The following CYRIB variants were observed in gnomAD, a reference collection of about 807,000 sequenced individuals.
CYRIB encodes the protein CYFIP-related Rac1 interactor B.
In CYRIB, 8 loss-of-function variants were observed where a neutral mutation model predicts 44.2. The ratio of observed to expected loss-of-function variants is 0.18; its 90% CI spans 0.11 to 0.33. CYRIB has a LOEUF of 0.33. CYRIB is among the 10% of genes least tolerant of loss of function. The pLI is 1.00. For missense variants in CYRIB, 185 were observed against 382.8 expected, an observed-to-expected ratio of 0.48 and a Z score of 4.31; for synonymous variants, 131 against 127.2, an observed-to-expected ratio of 1.03 and a Z score of -0.20.
intron 1 of CYRIB, among the ~76,000 whole-genome samples, chr8:129,985,613 A>C (rs1346640347): frequency 6.6e-6 from 1 of 151,362 alleles, no homozygotes; most frequent in South Asian, 2.1e-4. Flanking sequence ...ATATTTGCAC[A>C]CTCTCCAAAG....
intron 1 of CYRIB, among the ~76,000 whole-genome samples, chr8:129,938,608 T>C (rs1033474874): frequency 4.6e-5 from 7 of 152,138 alleles, no homozygotes; most frequent in African/African-American, 1.2e-4. Flanking sequence ...ATTCCGCACA[T>C]AGGGGTACTC....
chr8:129,846,661 A>C (rs998395326), intron 11 of CYRIB, 143 bp downstream of exon 13: 2 of 605,278 alleles, frequency 3.3e-6, no homozygotes, highest in Non-Finnish European at 5.6e-6. Flanking sequence ...AAGATTATCA[A>C]TAAACAAAAT....
At chr8:129,917,157 CAA>C (rs1424083788) in intron 1 of CYRIB, among the ~76,000 whole-genome samples, 1 of 152,154 alleles carries the variant, frequency 6.6e-6, no homozygotes, top group Non-Finnish European at 1.5e-5. Flanking sequence ...CTAGAAACAC[CAA>C]ACTGTTTAAG....
At chr8:129,949,600 G>T (rs1033617664) in intron 2 of CYRIB, among the ~76,000 whole-genome samples, 2 of 152,140 alleles carry the variant, frequency 1.3e-5, no homozygotes, top group African/African-American at 4.8e-5. Context: ...GGGCATGGTG[G>T]CTCATGCCTG....
rs2045781537 is a variant in CYRIB, at chr8:129,855,519, T to C, written c.438+92A>G. ...TAAGGTCTAGCAGACATCATTTAAA[T>C]ACATTTTAACAATGTTTCCCGGCTC... is the stretch of plus-strand genomic sequence containing the variant. On this transcript the variant is annotated intron_variant, in intron 6 of 11. Coordinates refer to ENST00000519824, the Ensembl canonical transcript of CYRIB. 4 of 1,348,508 alleles carry C rather than the reference T, an allele frequency of 3.0e-6. No homozygotes were observed. In the African/African-American group the frequency reaches 4.4e-5, roughly 15 times the overall value. The allele number at this position is 1,348,508 out of a possible 1,614,324, so 83.5% of individuals were successfully genotyped here. A position where few individuals can be genotyped will look rare whatever the true frequency, so the allele number is the denominator to read the frequency against.
chr8:129,884,035 G>T (rs545206375), intron 2 of CYRIB, among the ~76,000 whole-genome samples: 5 of 152,296 alleles, frequency 3.3e-5, no homozygotes, highest in Admixed American at 1.3e-4. Context: ...TATCACAAGA[G>T]AATGAACCAA....
intron 2 of CYRIB, chr8:129,948,983 T>C (rs1000032796): frequency 3.9e-5 from 6 of 152,052 alleles, no homozygotes; most frequent in Non-Finnish European, 7.4e-5. Context: ...GCTGAGGCAG[T>C]AGGATTGCTT....
chr8:129,849,933 C>T (rs763259110), intron 9 of CYRIB: 3 of 152,250 alleles, frequency 2.0e-5, no homozygotes, highest in Admixed American at 6.5e-5. Context: ...TTTACTAAAA[C>T]TCAATCATAT....
intron 1 of CYRIB, among the ~76,000 whole-genome samples, chr8:129,987,046 G>T (rs2096481776): frequency 6.6e-6 from 1 of 152,210 alleles, no homozygotes; most frequent in Non-Finnish European, 1.5e-5. Context: ...TTTGGCTGAA[G>T]CCACTAGGAA....
upstream of CYRIB, among the ~76,000 whole-genome samples, chr8:129,943,089 C>CCCCT (rs3837164): frequency 5.3e-5 from 6 of 113,138 alleles, no homozygotes; most frequent in East Asian, 2.3e-4. Flanking sequence ...ACCGCCCACC[C>CCCCT]GCCCCCCCGC....
At chr8:129,951,941 G>C (rs1035924628) in intron 2 of CYRIB, among the ~76,000 whole-genome samples, 8 of 152,214 alleles carry the variant, frequency 5.3e-5, no homozygotes, top group African/African-American at 9.7e-5. Context: ...CTGGCATATA[G>C]TAGGAGCTCA....
intron 1 of CYRIB, among the ~76,000 whole-genome samples, chr8:129,937,200 T>C (rs900142657): frequency 3.3e-5 from 5 of 152,230 alleles, no homozygotes; most frequent in African/African-American, 1.2e-4. Context: ...TGCGCTAAAC[T>C]CTGGTGTAGT....
At chr8:129,890,123 A>G (rs1178698315) in intron 2 of CYRIB, among the ~76,000 whole-genome samples, 2 of 152,194 alleles carry the variant, frequency 1.3e-5, no homozygotes, top group Non-Finnish European at 2.9e-5. Context: ...TGTTGTTTAG[A>G]CTGTTAAAAT....
chr8:130,007,815 C>T (rs895533525), intron 1 of CYRIB, among the ~76,000 whole-genome samples: 1 of 152,002 alleles, frequency 6.6e-6, no homozygotes, highest in Admixed American at 6.6e-5. Flanking sequence ...AAGTACAGGA[C>T]ACTTGCTCCA....
chr8:130,008,935 C>T (rs114897220), intron 1 of CYRIB, among the ~76,000 whole-genome samples: 1,839 of 152,314 alleles, frequency 0.012, 39 homozygotes, highest in African/African-American at 0.042. Context: ...CCTTAGTCTA[C>T]ATGTTCCTCT....
At chr8:129,922,421 A>T (rs991336073) in intron 1 of CYRIB, among the ~76,000 whole-genome samples, 1 of 152,218 alleles carries the variant, frequency 6.6e-6, no homozygotes, top group African/African-American at 2.4e-5. Context: ...ATATTCAAAA[A>T]TTAAAGACGG....
At chr8:129,977,727 T>C (rs1029739600) in intron 1 of CYRIB, among the ~76,000 whole-genome samples, 2 of 152,018 alleles carry the variant, frequency 1.3e-5, no homozygotes, top group African/African-American at 4.8e-5. Context: ...AGAGATGGGG[T>C]TTCACCGTGT....
At chr8:129,881,336 A>T (rs79007728) in intron 2 of CYRIB, among the ~76,000 whole-genome samples, 2,651 of 152,234 alleles carry the variant, frequency 0.017, 88 homozygotes, top group African/African-American at 0.06. Flanking sequence ...TTTTCCTCCA[A>T]TTGCTATGTG....
intron 2 of CYRIB, among the ~76,000 whole-genome samples, chr8:129,883,142 G>GAAAAAAAAAAAAAA (rs2061433495): frequency 8.5e-6 from 1 of 117,472 alleles, no homozygotes; most frequent in African/African-American, 3.6e-5. Context: ...AAAAAAAAAG[G>GAAAAAAAAAAAAAA]AATTGGCTCA....
Sources: allele counts gnomAD v4.1 joint callset (sites outside exome capture counted in the v4.1 genomes callset), GRCh38; gene constraint gnomAD v4.1.1; transcripts MANE v1.5; gene names NCBI Gene and HGNC (gene_info 2026-07-23, HGNC 2026-07-21).